Variants in NLRC4 observed in about 807,000 individuals in gnomAD.
NLRC4 encodes the protein NLR family CARD domain-containing protein 4.
NLRC4 carries 63 observed loss-of-function variants against 79.9 expected under a neutral mutation model. The ratio of observed to expected loss-of-function variants is 0.79; its 90% CI spans 0.64 to 0.97. The LOEUF (loss-of-function observed/expected upper bound fraction) is 0.97, where lower values mean the gene tolerates loss of function less well. NLRC4 is among the 50% of genes least tolerant of loss of function. The pLI, the probability that NLRC4 is intolerant of heterozygous loss-of-function variation, is 0.00. For synonymous variants in NLRC4, 461 were observed against 456.5 expected (o/e 1.01, Z -0.12); for missense variants, 1,074 against 1,215.2 (o/e 0.88, Z 1.73).
rs780366620 is a variant in NLRC4, at chr2:32,250,398, C to G, written c.1466G>C (p.Ser489Thr). The G allele has an allele frequency of 2.5e-6, 4 of 1,614,076 alleles. No individual in the cohort carries two copies. In the African/African-American group the frequency reaches 5.3e-5, roughly 22 times the overall value. Residue 489 changes from serine to threonine, a missense_variant, in exon 4 of 9, where the codon AGC (serine) becomes ACC (threonine). By Grantham distance (58) the Ser-to-Thr change is moderately conservative. Coordinates refer to ENST00000402280, the MANE Select transcript of NLRC4 (RefSeq NM_001199138.2). This position sits in a 1 kb window ranked among gnomAD's most constrained non-coding sequence, Gnocchi z 4.9. ...SISDITSTYS[S>T]LLRYTCGSSV... The stretch of plus-strand genomic sequence containing the variant: ...TGACCCACAGGTGTACCGGAGCAGG[C>G]TGCTATAAGTGGATGTAATGTCCGA...
chr2:32,238,879 G>A (rs1349285827), intron 5 of NLRC4, among the ~76,000 whole-genome samples: 2 of 152,146 alleles, frequency 1.3e-5, no homozygotes, highest in Non-Finnish European at 2.9e-5. Context: ...AATATCCCCC[G>A]TTCTTAAGTC....
chr2:32,262,727 G>T (rs1412392408), intron 1 of NLRC4, among the ~76,000 whole-genome samples: 1 of 151,650 alleles, frequency 6.6e-6, no homozygotes, highest in Non-Finnish European at 1.5e-5. Context: ...AGTGAGCCAA[G>T]ATAGCACCAT....
At chr2:32,261,734 T>C (rs137948754) in intron 1 of NLRC4, among the ~76,000 whole-genome samples, 1 of 152,140 alleles carries the variant, frequency 6.6e-6, no homozygotes, top group East Asian at 1.9e-4. Context: ...TTTCAGAAAA[T>C]AAAGTTTCCC....
chr2:32,234,312 G>A (rs1474267546), intron 8 of NLRC4, among the ~76,000 whole-genome samples: 2 of 152,082 alleles, frequency 1.3e-5, no homozygotes, highest in African/African-American at 4.8e-5. Context: ...AACTAGGGAG[G>A]TGGAGTGTGC....
chr2:32,243,994 A>G (rs1686870821), intron 4 of NLRC4, among the ~76,000 whole-genome samples: 1 of 152,166 alleles, frequency 6.6e-6, no homozygotes, highest in Non-Finnish European at 1.5e-5. Context: ...TCACGCCTGT[A>G]ATCCCAGCAC....
At chr2:32,261,284 TTTCTC>T (rs1424244216) in intron 1 of NLRC4, among the ~76,000 whole-genome samples, 2 of 146,158 alleles carry the variant, frequency 1.4e-5, no homozygotes, top group African/African-American at 5.0e-5. Context: ...GCTATTCTCT[TTTCTC>T]TTTCTTTCGC....
intron 8 of NLRC4, among the ~76,000 whole-genome samples, chr2:32,234,495 C>G (rs1686627526): frequency 6.6e-6 from 1 of 152,188 alleles, no homozygotes; most frequent in Non-Finnish European, 1.5e-5. Context: ...GCTGTTTTCA[C>G]AAGTCCTTGG....
intron 1 of NLRC4, among the ~76,000 whole-genome samples, chr2:32,258,676 A>G (rs1687266907): frequency 6.6e-6 from 1 of 152,178 alleles, no homozygotes; most frequent in Non-Finnish European, 1.5e-5. Flanking sequence ...TGGTATAAGG[A>G]GTATGTTTAA....
chr2:32,240,977 T>G, intron 5 of NLRC4, 56 bp downstream of exon 5: 1 of 1,097,658 alleles, frequency 9.1e-7, no homozygotes, highest in Non-Finnish European at 1.4e-6. Flanking sequence ...AGCCTGAAGT[T>G]AACTCCTCTT....
chr2:32,241,538 G>T (rs212722), intron 4 of NLRC4, among the ~76,000 whole-genome samples: 14 of 151,696 alleles, frequency 9.2e-5, no homozygotes, highest in Non-Finnish European at 1.5e-4. Flanking sequence ...CACCACGCCC[G>T]GCTAATTTTT....
At chr2:32,238,449 C>T (rs930636201) in intron 5 of NLRC4, 147 bp from the exon 6 acceptor site, 9 of 667,638 alleles carry the variant, frequency 1.3e-5, no homozygotes, top group South Asian at 4.1e-5. Context: ...AAAGAATCAA[C>T]GAGAGCTTTT....
intron 1 of NLRC4, among the ~76,000 whole-genome samples, chr2:32,260,248 A>C (rs1687312689): frequency 6.6e-6 from 1 of 151,748 alleles, no homozygotes; most frequent in Non-Finnish European, 1.5e-5. Flanking sequence ...GAAAAAAAAA[A>C]AACTAGAGTT....
At chr2:32,238,607 C>A (rs1686724653) in intron 5 of NLRC4, among the ~76,000 whole-genome samples, 1 of 152,118 alleles carries the variant, frequency 6.6e-6, no homozygotes, top group South Asian at 2.1e-4. Flanking sequence ...TAATTCTTTA[C>A]ATGAATGAAG....
chr2:32,233,347 A>ATTTTTTTTT (rs1453870780), intron 8 of NLRC4, among the ~76,000 whole-genome samples: 1 of 45,642 alleles, frequency 2.2e-5, no homozygotes, highest in African/African-American at 1.0e-4. Flanking sequence ...ATATATATAT[A>ATTTTTTTTT]TATTTTTTTT....
At chr2:32,241,277 T>C (rs2148936624) in intron 4 of NLRC4, 152 bp from the exon 5 acceptor site, 2 of 596,930 alleles carry the variant, frequency 3.4e-6, no homozygotes, top group East Asian at 6.2e-5. Context: ...AATATACTTT[T>C]TATAAGAGAT....
At chr2:32,233,981 A>ATG (rs948933381) in intron 8 of NLRC4, among the ~76,000 whole-genome samples, 1 of 152,116 alleles carries the variant, frequency 6.6e-6, no homozygotes, top group Non-Finnish European at 1.5e-5. Flanking sequence ...GGACATATAT[A>ATG]TGTGTGTGTA....
Position 32,235,430 on chromosome 2 carries a change from C to T in NLRC4, c.2753G>A (p.Arg918Lys), listed in dbSNP as rs781165327. The T allele has an allele frequency of 1.9e-5, 31 of 1,613,996 alleles. No homozygotes were observed. Among genetic ancestry groups the T allele is most frequent in the Non-Finnish European group, 2.5e-5 (30 of 1,179,946 alleles). Residue 918 changes from arginine to lysine, a missense_variant, in exon 8 of 9, where the codon AGA becomes AAA. Transcript: ENST00000402280. ...QLVKLGLKNW[R>K]LTDTEIRILG... ...AATTCTAATCTCTGTATCTGTGAGT[C>T]TCCAGTTTTTCAACCCAAGCTTGAC...
intron 3 of NLRC4, 58 bp from the exon 4 acceptor site, chr2:32,251,659 GA>G: frequency 8.5e-7 from 1 of 1,177,142 alleles, no homozygotes; most frequent in Non-Finnish European, 1.2e-6. Flanking sequence ...TCAAAACCTA[GA>G]GTTCAGGAGG....
intron 1 of NLRC4, among the ~76,000 whole-genome samples, chr2:32,264,217 C>T (rs182166924): frequency 2.0e-5 from 3 of 152,010 alleles, no homozygotes; most frequent in South Asian, 2.1e-4. Context: ...GGGCAGATCA[C>T]GAGGTCAGGA....
Sources: allele counts gnomAD v4.1 joint callset (sites outside exome capture counted in the v4.1 genomes callset), GRCh38; gene constraint gnomAD v4.1.1; non-coding constraint Gnocchi (gnomAD v3.1); transcripts MANE v1.5; gene names NCBI Gene and HGNC (gene_info 2026-07-23, HGNC 2026-07-21).